The following EEPD1 variants were observed in gnomAD, a reference collection of about 807,000 sequenced individuals.
EEPD1 encodes endonuclease/exonuclease/phosphatase family domain-containing protein 1.
A neutral mutation model predicts 46.3 loss-of-function variants in EEPD1; 17 were observed. The observed-to-expected ratio is 0.37, with a 90% CI of 0.25 to 0.55. EEPD1 has a LOEUF of 0.55. EEPD1 is among the 20% of genes least tolerant of loss of function. EEPD1 has a pLI of 0.83. For missense variants in EEPD1, 673 were observed against 745.6 expected (o/e 0.90, Z 1.13); for synonymous variants, 313 against 315.6 (o/e 0.99, Z 0.09).
chr7:36,248,292 C>T (rs1786673456), intron 3 of EEPD1, among the ~76,000 whole-genome samples: 2 of 151,710 alleles, frequency 1.3e-5, no homozygotes, highest in African/African-American at 4.8e-5. Flanking sequence ...GCAACCTCCA[C>T]CTCCTGAGCT....
At chr7:36,161,875 CAG>C (rs1361525182) in intron 2 of EEPD1, among the ~76,000 whole-genome samples, 1 of 139,710 alleles carries the variant, frequency 7.2e-6, no homozygotes, top group Non-Finnish European at 1.5e-5. Context: ...GCCTCAGTGA[CAG>C]AGTGAGACCC....
intron 2 of EEPD1, among the ~76,000 whole-genome samples, chr7:36,183,151 A>G (rs1278690737): frequency 3.3e-5 from 5 of 152,082 alleles, no homozygotes; most frequent in African/African-American, 1.2e-4. Flanking sequence ...TCACCCACCA[A>G]CTTTGAGCAG....
At chr7:36,205,782 G>T (rs1785803012) in intron 2 of EEPD1, among the ~76,000 whole-genome samples, 1 of 152,198 alleles carries the variant, frequency 6.6e-6, no homozygotes, top group Non-Finnish European at 1.5e-5. Context: ...CAGGTCTCTG[G>T]CTATTTTTAA....
chr7:36,274,707 T>C, intron 3 of EEPD1, among the ~76,000 whole-genome samples: 1 of 151,332 alleles, frequency 6.6e-6, no homozygotes, highest in East Asian at 1.9e-4. Flanking sequence ...TGTCCCTCCA[T>C]TGACATTTTG....
chr7:36,272,196 T>TA (rs55929032), intron 3 of EEPD1, among the ~76,000 whole-genome samples: 15 of 149,618 alleles, frequency 1.0e-4, no homozygotes, highest in East Asian at 3.9e-4. Flanking sequence ...AATTTAAAGA[T>TA]AAAAAAAAAA....
At chr7:36,277,591 G>A (rs934908466) in intron 3 of EEPD1, among the ~76,000 whole-genome samples, 15 of 152,194 alleles carry the variant, frequency 9.9e-5, no homozygotes, top group Non-Finnish European at 1.9e-4. Flanking sequence ...AGTAGCAAGC[G>A]TCTGAAAGGT....
intron 2 of EEPD1, among the ~76,000 whole-genome samples, chr7:36,171,136 C>T (rs6977418): frequency 0.44 from 66,507 of 151,944 alleles, 15,478 homozygotes; most frequent in African/African-American, 0.6. Flanking sequence ...CGGCCAAGGC[C>T]GGTCTTGAAC....
chr7:36,173,639 C>T (rs1001550462), intron 2 of EEPD1, among the ~76,000 whole-genome samples: 2 of 152,118 alleles, frequency 1.3e-5, no homozygotes, highest in Non-Finnish European at 2.9e-5. Context: ...GTCAATTAAA[C>T]CTCTTTTGTT....
rs766137749 is a variant in EEPD1 at position 36,299,114 on chromosome 7, A to G, written c.1618A>G (p.Thr540Ala). 1.2e-6 allele frequency: 2 copies of G among 1,611,466 alleles called. No individual in the cohort carries two copies. The change falls in exon 8 of 8, where the codon ACT becomes GCT. Residue 540 changes from threonine to alanine, a missense_variant. Physicochemically the swap from Thr to Ala is moderately conservative, Grantham distance 58 (BLOSUM62 0). Coordinates refer to ENST00000242108, the MANE Select transcript of EEPD1 (RefSeq NM_030636.3). ...CTGCCCAGTGCTAGCCGAGTTCTACACTGAAAAGGACTGGAGCAAGAAGGA... is the reference window on the plus strand; with the variant it reads ...CTGCCCAGTGCTAGCCGAGTTCTACGCTGAAAAGGACTGGAGCAAGAAGGA... ...EHCPVLAEFYTEKDWSKKDAP... is the reference protein window; with the variant it reads ...EHCPVLAEFYAEKDWSKKDAP...
intron 2 of EEPD1, among the ~76,000 whole-genome samples, chr7:36,234,820 C>T (rs1041358719): frequency 6.6e-6 from 1 of 152,040 alleles, no homozygotes; most frequent in Non-Finnish European, 1.5e-5. Flanking sequence ...CAGGGAGTGT[C>T]GTCACACCAT....
chr7:36,159,792 C>A (rs184525768), intron 2 of EEPD1, among the ~76,000 whole-genome samples: 1 of 152,260 alleles, frequency 6.6e-6, no homozygotes, highest in Admixed American at 6.5e-5. Context: ...AGAGGTAGAG[C>A]CAATCCAAAA....
chr7:36,237,866 G>T (rs2115781009), intron 2 of EEPD1, among the ~76,000 whole-genome samples: 1 of 152,272 alleles, frequency 6.6e-6, no homozygotes, highest in South Asian at 2.1e-4. Context: ...CAGGAGAATG[G>T]CTTGAACTCG....
Position 36,154,318 on chromosome 7 carries a change from G to A in EEPD1, c.-7G>A. 6.2e-7 allele frequency: 1 copy of A among 1,604,076 alleles called. No individual in the cohort carries two copies. Among genetic ancestry groups the A allele is most frequent in the Non-Finnish European group, 8.5e-7 (1 of 1,177,976 alleles). On this transcript the variant is annotated 5_prime_UTR_variant, in exon 2 of 8. Transcript: ENST00000242108. The surrounding 1 kb of genome is among the most constrained non-coding windows in gnomAD (Gnocchi z 4.2). ...CGGCCTTCCCGGGAGCCTGATCCTG[G>A]CGGACCATGGGGAGCACCCTGGGCT... is the stretch of plus-strand genomic sequence containing the variant.
Position 36,154,311 on chromosome 7 carries a change from G to A in EEPD1, c.-14G>A, listed in dbSNP as rs757377337. 6.2e-7 allele frequency: 1 copy of A among 1,601,722 alleles called. No individual in the cohort carries two copies. The highest frequency in any genetic ancestry group is 1.7e-5 in the Admixed American group (1 of 59,678). ...AGTGGTGCGGCCTTCCCGGGAGCCT[G>A]ATCCTGGCGGACCATGGGGAGCACC... On this transcript the variant is annotated 5_prime_UTR_variant, in exon 2 of 8. Transcript: ENST00000242108. The surrounding 1 kb of genome is among the most constrained non-coding windows in gnomAD (Gnocchi z 4.2).
intron 3 of EEPD1, among the ~76,000 whole-genome samples, chr7:36,271,081 G>C (rs1787094886): frequency 6.6e-6 from 1 of 152,046 alleles, no homozygotes; most frequent in African/African-American, 2.4e-5. Flanking sequence ...CTGCTTCCCA[G>C]GTTCAAGCCA....
At chr7:36,255,534 A>G (rs1234432923) in intron 3 of EEPD1, among the ~76,000 whole-genome samples, 1 of 151,926 alleles carries the variant, frequency 6.6e-6, no homozygotes, top group East Asian at 1.9e-4. Flanking sequence ...CAGGGATTCA[A>G]CTTCTTCCTG....
chr7:36,273,635 T>C (rs189865608), intron 3 of EEPD1, among the ~76,000 whole-genome samples: 2 of 152,282 alleles, frequency 1.3e-5, no homozygotes, highest in African/African-American at 4.8e-5. Context: ...CTCAGTTGTA[T>C]GCTAGCCCCT....
At chr7:36,172,619 T>G (rs979921706) in intron 2 of EEPD1, among the ~76,000 whole-genome samples, 2 of 8,762 alleles carry the variant, frequency 2.3e-4, no homozygotes, top group Non-Finnish European at 5.6e-4. Flanking sequence ...TATTATGAGT[T>G]TTTTTTTTTT....
At chr7:36,271,463 T>C (rs1159453306) in intron 3 of EEPD1, among the ~76,000 whole-genome samples, 4 of 152,080 alleles carry the variant, frequency 2.6e-5, no homozygotes, top group Non-Finnish European at 5.9e-5. Context: ...GGTTGTTTGG[T>C]TTTTTCTTTT....
Sources: gnomAD v4.1 joint callset for allele counts (sites outside exome capture counted in the v4.1 genomes callset) on GRCh38, gnomAD v4.1.1 for gene constraint, Gnocchi (gnomAD v3.1) non-coding constraint, MANE v1.5 for transcripts, NCBI Gene and HGNC (gene_info 2026-07-23, HGNC 2026-07-21) for gene names.